The following DAW1 variants were observed in gnomAD, a reference collection of about 807,000 sequenced individuals.
The protein encoded by DAW1 is dynein assembly factor with WD repeats 1.
Under a neutral mutation model 56.5 loss-of-function variants are expected in DAW1, and 47 were observed. That is an observed-to-expected ratio of 0.83 (90% CI 0.66 to 1.06). DAW1 has a LOEUF of 1.06. DAW1 is among the 50% of genes least tolerant of loss of function. DAW1 has a pLI of 0.00. For synonymous variants in DAW1, 190 were observed against 179.0 expected, an observed-to-expected ratio of 1.06 and a Z score of -0.49; for missense variants, 505 against 499.3, an observed-to-expected ratio of 1.01 and a Z score of -0.11.
intron 5 of DAW1, among the ~76,000 whole-genome samples, chr2:227,895,070 A>G (rs1054074697): frequency 1.3e-5 from 2 of 152,236 alleles, no homozygotes; most frequent in African/African-American, 2.4e-5. Flanking sequence ...GAGGAGATCA[A>G]TGTTCAATTG....
chr2:227,918,126 A>ATCCATCCATCCGTCCG (rs1158778440), intron 10 of DAW1, among the ~76,000 whole-genome samples: 4 of 116,306 alleles, frequency 3.4e-5, no homozygotes, highest in African/African-American at 9.0e-5. Flanking sequence ...CCATTTCTCC[A>ATCCATCCATCCGTCCG]TCCATCCATC....
intron 1 of DAW1, among the ~76,000 whole-genome samples, chr2:227,879,885 T>C (rs892113564): frequency 2.6e-5 from 4 of 152,168 alleles, no homozygotes; most frequent in African/African-American, 9.6e-5. Context: ...TAAATGTTGA[T>C]GCATAGATGA....
chr2:227,894,042 C>A, intron 5 of DAW1, 125 bp downstream of exon 5: 1 of 969,202 alleles, frequency 1.0e-6, no homozygotes, highest in Non-Finnish European at 1.5e-6. Context: ...CTTTGGAAGC[C>A]TTTTAAATAC....
intron 2 of DAW1, 49 bp from the exon 3 acceptor site, chr2:227,889,807 G>T (rs887350044): frequency 6.7e-7 from 1 of 1,494,352 alleles, no homozygotes; most frequent in Non-Finnish European, 8.9e-7. Flanking sequence ...ATAGGTATAT[G>T]CAAATTTTGA....
At chr2:227,911,955 T>A (rs10191097) in intron 10 of DAW1, among the ~76,000 whole-genome samples, 13 of 151,862 alleles carry the variant, frequency 8.6e-5, no homozygotes, top group African/African-American at 2.2e-4. Flanking sequence ...TCTCTGACAC[T>A]TATGCCCCTA....
chr2:227,907,113 T>C lies in DAW1; in HGVS notation c.859-25T>C, dbSNP rs773805269. 1.2e-5 allele frequency: 19 copies of C among 1,541,328 alleles called. 2 individuals are homozygous for C. In the South Asian group the frequency reaches 2.3e-4, roughly 18 times the overall value. ...ACAGAAAGTCATAGTCTTTTTTTTT[T>C]TGTTTTTTGTTCTTTTAATTGTAGC... On this transcript the variant is annotated intron_variant, in intron 9 of 12. Coordinates refer to ENST00000309931, the MANE Select transcript of DAW1 (RefSeq NM_178821.3).
rs112616231 is a variant in DAW1, at chr2:227,899,957, T to C, written c.540+1676T>C. ...AAAAACAAGCTGCTTATTTTAGAAG[T>C]AAAATTTATTTACACTCATCCTAAA... On this transcript the variant is annotated intron_variant, in intron 6 of 12. Transcript: ENST00000309931. 4.1e-3 allele frequency among the ~76,000 whole-genome samples: 627 copies of C among 152,292 alleles called. 6 individuals carry two copies. The highest frequency in any genetic ancestry group is 0.015 in the African/African-American group (609 of 41,552).
intron 10 of DAW1, among the ~76,000 whole-genome samples, chr2:227,910,948 T>C (rs1375780456): frequency 3.9e-5 from 6 of 152,036 alleles, no homozygotes; most frequent in African/African-American, 1.4e-4. Context: ...CATCCAATCA[T>C]CCATGAGACC....
At chr2:227,912,424 G>A in intron 10 of DAW1, 1 of 1,304,816 alleles carries the variant, frequency 7.7e-7, no homozygotes, top group Non-Finnish European at 1.0e-6. Flanking sequence ...TTGATCACTG[G>A]ACGTGATGCT....
At chr2:227,875,116 G>A (rs945497745) in intron 1 of DAW1, among the ~76,000 whole-genome samples, 1 of 152,074 alleles carries the variant, frequency 6.6e-6, no homozygotes, top group Admixed American at 6.6e-5. Flanking sequence ...TCAGCAAATT[G>A]CAGCTCCATT....
At chr2:227,875,094 G>A (rs938600893) in intron 1 of DAW1, among the ~76,000 whole-genome samples, 1 of 152,118 alleles carries the variant, frequency 6.6e-6, no homozygotes, top group South Asian at 2.1e-4. Flanking sequence ...GTCTCCCATG[G>A]TCTTCCCCAT....
At chr2:227,872,414 A>G (rs767627116) in intron 1 of DAW1, 2 of 152,250 alleles carry the variant, frequency 1.3e-5, no homozygotes, top group Non-Finnish European at 2.9e-5. Context: ...GATACTTTGG[A>G]CCGGTTTTGT....
At chr2:227,923,039 G>T (rs1692146260) in intron 12 of DAW1, among the ~76,000 whole-genome samples, 1 of 152,164 alleles carries the variant, frequency 6.6e-6, no homozygotes, top group South Asian at 2.1e-4. Context: ...TTTAGCAAAA[G>T]AATTTTTGTT....
At chr2:227,900,976 T>G (rs1467430677) in intron 6 of DAW1, among the ~76,000 whole-genome samples, 1 of 152,178 alleles carries the variant, frequency 6.6e-6, no homozygotes, top group South Asian at 2.1e-4. Context: ...AGGAATTGGA[T>G]TTTATTTTGT....
At chr2:227,909,610 T>C (rs1691771057) in intron 10 of DAW1, among the ~76,000 whole-genome samples, 2 of 152,028 alleles carry the variant, frequency 1.3e-5, no homozygotes, top group African/African-American at 2.4e-5. Context: ...ACCTAAAAAC[T>C]TGGGGGGACC....
At chr2:227,881,519 G>A (rs1191233352) in intron 1 of DAW1, among the ~76,000 whole-genome samples, 1 of 152,144 alleles carries the variant, frequency 6.6e-6, no homozygotes, top group Non-Finnish European at 1.5e-5. Flanking sequence ...AATACAAGGT[G>A]ACCATGTAGC....
At chr2:227,887,865 A>G (rs749419337) in intron 2 of DAW1, 20 of 152,226 alleles carry the variant, frequency 1.3e-4, no homozygotes, top group Non-Finnish European at 2.4e-4. Flanking sequence ...CTGTAAAAAC[A>G]CTGGCACCAT....
Position 227,921,554 on chromosome 2 carries a change from C to A in DAW1, c.1206C>A (p.Val402=). Reference sequence around the variant, plus strand: ...CTTTCAACTATAAAGGCAACATAGTCATTACAGGTATGGAAGACATCAACA... The same window carrying A: ...CTTTCAACTATAAAGGCAACATAGTAATTACAGGTATGGAAGACATCAACA... ...SCAFNYKGNI[V]ITGSKDNTCR... The change falls in exon 12 of 13, where the codon GTC becomes GTA. Residue 402 remains valine, a synonymous_variant. Coordinates refer to ENST00000309931, the MANE Select transcript of DAW1 (RefSeq NM_178821.3). 1 of 1,613,290 alleles carries A rather than the reference C, an allele frequency of 6.2e-7. No individual in the cohort carries two copies. The highest frequency in any genetic ancestry group is 1.1e-5 in the South Asian group (1 of 90,924).
At chr2:227,885,277 G>C (rs1433419822) in intron 1 of DAW1, 74 bp from the exon 2 acceptor site, 1 of 1,042,516 alleles carries the variant, frequency 9.6e-7, no homozygotes, top group Non-Finnish European at 1.4e-6. Flanking sequence ...GGAAAAAACT[G>C]TGGCAAGGTA....
Sources: allele counts gnomAD v4.1 joint callset (sites outside exome capture counted in the v4.1 genomes callset), GRCh38; gene constraint gnomAD v4.1.1; transcripts MANE v1.5; gene names NCBI Gene and HGNC (gene_info 2026-07-23, HGNC 2026-07-21).